Variants in PID1 observed in about 807,000 individuals in gnomAD.
PID1 encodes the protein phosphotyrosine interaction domain containing 1, also known as PTB-containing, cubilin and LRP1-interacting protein.
A neutral mutation model predicts 19.1 loss-of-function variants in PID1; 10 were observed. The ratio of observed to expected loss-of-function variants is 0.52; its 90% CI spans 0.32 to 0.89. PID1 has a LOEUF of 0.89. Ranked by LOEUF, PID1 falls within the 40% of genes least tolerant of loss-of-function variation. The pLI, the probability that PID1 is intolerant of heterozygous loss-of-function variation, is 0.03. For missense variants in PID1, 248 were observed against 285.3 expected, an observed-to-expected ratio of 0.87 and a Z score of 0.94; for synonymous variants, 130 against 116.0, an observed-to-expected ratio of 1.12 and a Z score of -0.78.
At chr2:229,198,962 C>A (rs1691434541) in intron 1 of PID1, among the ~76,000 whole-genome samples, 1 of 152,048 alleles carries the variant, frequency 6.6e-6, no homozygotes, top group Middle Eastern at 3.2e-3. Flanking sequence ...AGCTTCCCAT[C>A]ACTCATGGGA....
chr2:229,063,601 C>T (rs1456782225), intron 2 of PID1, among the ~76,000 whole-genome samples: 3 of 152,062 alleles, frequency 2.0e-5, no homozygotes, highest in Non-Finnish European at 1.5e-5. Context: ...TAATCTGCTG[C>T]TGTTGAATGG....
At chr2:229,260,197 G>A (rs1238669192) in intron 1 of PID1, among the ~76,000 whole-genome samples, 1 of 151,950 alleles carries the variant, frequency 6.6e-6, no homozygotes, top group Non-Finnish European at 1.5e-5. Context: ...ATCAATTTTG[G>A]CAGTTCAGCC....
chr2:229,262,206 T>C (rs976515551), intron 1 of PID1, among the ~76,000 whole-genome samples: 2 of 152,180 alleles, frequency 1.3e-5, no homozygotes, highest in Admixed American at 6.5e-5. Flanking sequence ...TCAGCCTGTC[T>C]GGAAAAGTTT....
chr2:229,087,830 A>T (rs990802452), intron 2 of PID1, among the ~76,000 whole-genome samples: 1 of 152,212 alleles, frequency 6.6e-6, no homozygotes, highest in Non-Finnish European at 1.5e-5. Context: ...AACCTGTTAC[A>T]TAAATAGAAA....
At chr2:229,084,086 T>C (rs981829674) in intron 2 of PID1, among the ~76,000 whole-genome samples, 1 of 152,190 alleles carries the variant, frequency 6.6e-6, no homozygotes, top group African/African-American at 2.4e-5. Flanking sequence ...ACCCTTTAAA[T>C]AGTTACATTC....
intron 1 of PID1, among the ~76,000 whole-genome samples, chr2:229,165,554 T>G (rs892638980): frequency 4.6e-5 from 7 of 151,814 alleles, no homozygotes; most frequent in African/African-American, 1.7e-4. Context: ...CACTCCAGCC[T>G]GGGTGACAGA....
chr2:229,107,802 T>A (rs550480605), intron 2 of PID1, among the ~76,000 whole-genome samples: 15 of 152,358 alleles, frequency 9.8e-5, no homozygotes, highest in Admixed American at 2.0e-4. Flanking sequence ...AGCATTGGCA[T>A]CCCCTGGAAG....
chr2:229,139,109 A>AAG (rs1157690006), intron 2 of PID1, among the ~76,000 whole-genome samples: 1,505 of 71,900 alleles, frequency 0.021, 27 homozygotes, highest in Admixed American at 0.035. Context: ...GAAAGAAAGA[A>AAG]AGAAAGAGAA....
chr2:229,046,469 T>C (rs1173271989), intron 2 of PID1, among the ~76,000 whole-genome samples: 3 of 151,986 alleles, frequency 2.0e-5, no homozygotes, highest in Non-Finnish European at 4.4e-5. Flanking sequence ...CAAACAGCTC[T>C]TCTTTTTGGA....
At chr2:229,130,606 T>C (rs1260281366) in intron 2 of PID1, among the ~76,000 whole-genome samples, 3 of 152,206 alleles carry the variant, frequency 2.0e-5, no homozygotes, top group African/African-American at 7.2e-5. Context: ...AGCTGGTGAC[T>C]ATGAATTTAG....
At chr2:229,102,181 A>G (rs1158321082) in intron 2 of PID1, among the ~76,000 whole-genome samples, 1 of 152,164 alleles carries the variant, frequency 6.6e-6, no homozygotes, top group Non-Finnish European at 1.5e-5. Context: ...TTCAGTTCAC[A>G]GAGACCCATC....
intron 2 of PID1, among the ~76,000 whole-genome samples, chr2:229,142,963 T>C (rs1690047674): frequency 1.3e-5 from 2 of 149,250 alleles, no homozygotes; most frequent in Admixed American, 1.3e-4. Context: ...CCAGCAATGA[T>C]AGACTGGATT....
intron 1 of PID1, among the ~76,000 whole-genome samples, chr2:229,166,595 T>C (rs988261027): frequency 2.6e-5 from 4 of 152,182 alleles, no homozygotes; most frequent in African/African-American, 9.6e-5. Context: ...GGTGCCTTCC[T>C]AAGAGATTCC....
chr2:229,153,966 T>C (rs1233710943), intron 2 of PID1, among the ~76,000 whole-genome samples: 3 of 152,182 alleles, frequency 2.0e-5, no homozygotes, highest in Admixed American at 6.5e-5. Flanking sequence ...TCCTGAAGAA[T>C]GTATAACGAA....
At chr2:229,268,005 G>C (rs1263070856) in intron 1 of PID1, among the ~76,000 whole-genome samples, 1 of 152,154 alleles carries the variant, frequency 6.6e-6, no homozygotes, top group Admixed American at 6.5e-5. Flanking sequence ...AAAAGTTGGG[G>C]TGGTAAATTA....
chr2:229,078,797 T>C (rs1423390544), intron 2 of PID1, among the ~76,000 whole-genome samples: 1 of 152,178 alleles, frequency 6.6e-6, no homozygotes, highest in Non-Finnish European at 1.5e-5. Context: ...TATTTCCTAC[T>C]TGTCTTCCCA....
chr2:229,110,055 C>G (rs183483726), intron 2 of PID1, among the ~76,000 whole-genome samples: 3 of 152,320 alleles, frequency 2.0e-5, no homozygotes, highest in Non-Finnish European at 4.4e-5. Context: ...TGGGCAGATG[C>G]CTGGACTCCC....
At chr2:229,098,866 G>T (rs1297491862) in intron 2 of PID1, among the ~76,000 whole-genome samples, 1 of 152,150 alleles carries the variant, frequency 6.6e-6, no homozygotes, top group Non-Finnish European at 1.5e-5. Context: ...CGCCACGTTC[G>T]TGCTTTTTTT....
chr2:229,226,915 G>A (rs1164462658), intron 1 of PID1, among the ~76,000 whole-genome samples: 2 of 152,072 alleles, frequency 1.3e-5, no homozygotes, highest in African/African-American at 2.4e-5. Context: ...GAAAGAAAAT[G>A]GGGTGTTTAG....
Sources: allele counts gnomAD v4.1 joint callset (sites outside exome capture counted in the v4.1 genomes callset), GRCh38; gene constraint gnomAD v4.1.1; transcripts MANE v1.5; gene names NCBI Gene and HGNC (gene_info 2026-07-23, HGNC 2026-07-21).